The following COG1 variants were observed in gnomAD, a reference collection of about 807,000 sequenced individuals.
The protein encoded by COG1 is component of oligomeric golgi complex 1.
Under a neutral mutation model 102.2 loss-of-function variants are expected in COG1, and 61 were observed. The ratio of observed to expected loss-of-function variants is 0.60; its 90% confidence interval spans 0.49 to 0.74. The LOEUF (loss-of-function observed/expected upper bound fraction) is 0.74, where lower values mean the gene tolerates loss of function less well. COG1 is among the 30% of genes least tolerant of loss of function. COG1 has a pLI of 0.00. For synonymous variants in COG1, 454 were observed against 493.6 expected (o/e 0.92, Z 1.06); for missense variants, 1,164 against 1,232.1 (o/e 0.94, Z 0.83).
At position 73,197,133 on chromosome 17, in the gene COG1, G is replaced by A. The variant is rs776376320; in HGVS notation, c.742+52G>A. ...GGTCCTTAAATATGGGATGGAGAAGGGTGAGCTGCGGGAGACTGAAGCCTC... is the reference window on the plus strand; with the variant it reads ...GGTCCTTAAATATGGGATGGAGAAGAGTGAGCTGCGGGAGACTGAAGCCTC... On this transcript the variant is annotated intron_variant, in intron 3 of 13. Coordinates refer to ENST00000299886, the MANE Select transcript of COG1 (RefSeq NM_018714.3). 4 of 1,612,908 alleles carry A rather than the reference G, an allele frequency of 2.5e-6. No individual in the cohort carries two copies. In the East Asian group the frequency reaches 8.9e-5, roughly 36 times the overall value.
In COG1 at chr17:73,199,966, G is replaced by A; in HGVS notation, c.1015G>A (p.Ala339Thr). The change falls in exon 5 of 14, where the codon GCA (alanine) becomes ACA (threonine). Residue 339 changes from alanine (A) to threonine (T), a missense_variant. Coordinates refer to ENST00000299886, the MANE Select transcript of COG1 (RefSeq NM_018714.3). ...VEFQPTLRTL[A>T]HPISQEYLKD... is the part of the protein sequence containing the mutation. The stretch of plus-strand genomic sequence containing the variant: ...GTTCCAGCCAACACTCCGAACCCTT[G>A]CACATCCCATCAGTCAGGAATACCT... 1 of 1,614,116 alleles carries A rather than the reference G, an allele frequency of 6.2e-7. No homozygotes were observed. Among genetic ancestry groups the A allele is most frequent in the South Asian group, 1.1e-5 (1 of 91,054 alleles).
chr17:73,197,065 C>T lies in COG1; in HGVS notation c.726C>T (p.Leu242=). The part of the protein sequence containing the change: ...LARKATIQKL[L]NQPHHGAGIK... ...GAAAGGCAACTATTCAGAAACTTCT[C>T]AACCAGCCACACCATGGTGGGTGTG... is the stretch of plus-strand genomic sequence containing the variant. The change falls in exon 3 of 14, where the codon CTC becomes CTT. Residue 242 remains leucine (L), a synonymous_variant. Coordinates refer to ENST00000299886, the MANE Select transcript of COG1 (RefSeq NM_018714.3). The T allele has an allele frequency of 6.2e-7, 1 of 1,614,166 alleles. No individual in the cohort carries two copies. The highest frequency in any genetic ancestry group is 8.5e-7 in the Non-Finnish European group (1 of 1,180,040).
chr17:73,206,501 CAGAA>C (rs1051897322), intron 11 of COG1, among the ~76,000 whole-genome samples: 2 of 152,066 alleles, frequency 1.3e-5, no homozygotes, highest in African/African-American at 4.8e-5. Context: ...ATCCAGGCCT[CAGAA>C]AGAGGAATAA....
rs1156987207 is a variant in COG1, at chr17:73,205,546, T to C, written c.2383-7T>C. 1 of 1,614,106 alleles carries C rather than the reference T, an allele frequency of 6.2e-7. No individual in the cohort carries two copies. ...TTCATGGGTGGGGACTGGGAATTCA[T>C]TTGCAGAAAGAAGGTGCATTTCCAG... On this transcript the variant is annotated splice_region_variant and splice_polypyrimidine_tract_variant and intron_variant, in intron 9 of 13. Transcript: ENST00000299886.
chr17:73,203,503 T>C, intron 8 of COG1, 129 bp from the exon 9 acceptor site: 1 of 1,124,492 alleles, frequency 8.9e-7, no homozygotes, highest in Non-Finnish European at 1.3e-6. Context: ...ACAGTCTGCC[T>C]GTAAGAAGCG....
At chr17:73,204,142 C>T (rs768810882) in intron 9 of COG1, among the ~76,000 whole-genome samples, 4 of 152,018 alleles carry the variant, frequency 2.6e-5, no homozygotes, top group African/African-American at 4.8e-5. Flanking sequence ...CCAGCCTGGG[C>T]GACAAAGCAA....
At chr17:73,207,368 A>AG in intron 13 of COG1, 112 bp downstream of exon 13, 1 of 990,110 alleles carries the variant, frequency 1.0e-6, no homozygotes, top group Non-Finnish European at 1.6e-6. Flanking sequence ...GACAAAATGC[A>AG]CTAATGCTGC....
At position 73,205,550 on chromosome 17, in the gene COG1, C is replaced by T; in HGVS notation, c.2383-3C>T. On this transcript the variant is annotated splice_region_variant and splice_polypyrimidine_tract_variant and intron_variant, in intron 9 of 13. Transcript: ENST00000299886. ...TGGGTGGGGACTGGGAATTCATTTG[C>T]AGAAAGAAGGTGCATTTCCAGTCAC... The T allele has an allele frequency of 6.2e-7, 1 of 1,614,038 alleles. No homozygotes were observed. The highest frequency in any genetic ancestry group is 1.1e-5 in the South Asian group (1 of 91,078).
rs752942423 is a variant in COG1, at chr17:73,201,146, G to C, written c.1319G>C (p.Ser440Thr). ...TKEGFDSISS[S>T]SKELLVSALQ... ...GAAGGCTTTGACTCCATCTCCAGTA[G>C]CTCCAAGGAGCTCTTGGTTTCAGCT... The change falls in exon 7 of 14, where the codon AGC becomes ACC. Residue 440 changes from serine (S) to threonine (T), a missense_variant. Physicochemically the swap from Ser to Thr is moderately conservative, Grantham distance 58. Coordinates refer to ENST00000299886, the MANE Select transcript of COG1 (RefSeq NM_018714.3). 1.1e-5 allele frequency: 17 copies of C among 1,614,176 alleles called. No homozygotes were observed. The highest frequency in any genetic ancestry group is 1.4e-5 in the Non-Finnish European group (16 of 1,180,032).
chr17:73,194,160 T>TTTTTTTTTTTTTGAGAC (rs1401190625), intron 1 of COG1, among the ~76,000 whole-genome samples: 1 of 147,098 alleles, frequency 6.8e-6, no homozygotes, highest in Non-Finnish European at 1.5e-5. Context: ...GAATTTTTAT[T>TTTTTTTTTTTTTGAGAC]GGCCGGGTGC....
chr17:73,196,845 C>A, intron 2 of COG1, 55 bp from the exon 3 acceptor site: 1 of 1,613,576 alleles, frequency 6.2e-7, no homozygotes, highest in Non-Finnish European at 8.5e-7. Context: ...TGTACCAAAG[C>A]TCTTTACCCA....
Position 73,201,146 on chromosome 17 carries a change from G to A in COG1, c.1319G>A (p.Ser440Asn). 1 of 1,614,176 alleles carries A rather than the reference G, an allele frequency of 6.2e-7. No homozygotes were observed. Among genetic ancestry groups the A allele is most frequent in the Non-Finnish European group, 8.5e-7 (1 of 1,180,032 alleles). Residue 440 changes from serine to asparagine, a missense_variant, in exon 7 of 14, where the codon AGC (serine) becomes AAC (asparagine). By Grantham distance (46) the Ser-to-Asn change is conservative (BLOSUM62 1). Transcript: ENST00000299886. ...GAAGGCTTTGACTCCATCTCCAGTA[G>A]CTCCAAGGAGCTCTTGGTTTCAGCT... ...TKEGFDSISS[S>N]SKELLVSALQ...
At chr17:73,196,864 A>C (rs200548786) in intron 2 of COG1, 36 bp from the exon 3 acceptor site, 2 of 1,614,086 alleles carry the variant, frequency 1.2e-6, no homozygotes, top group East Asian at 2.2e-5. Context: ...CAAGATGTGA[A>C]AAACACCCTG....
At chr17:73,198,977 G>A (rs777397660) in intron 4 of COG1, among the ~76,000 whole-genome samples, 56 of 152,162 alleles carry the variant, frequency 3.7e-4, no homozygotes, top group Non-Finnish European at 6.8e-4. Flanking sequence ...CTTATGCTTC[G>A]CTTTCCCTCA....
chr17:73,193,192 C>G lies in COG1; in HGVS notation c.123C>G (p.Ile41Met). The G allele has an allele frequency of 1.2e-6, 2 of 1,608,296 alleles. No individual in the cohort carries two copies. Among genetic ancestry groups the G allele is most frequent in the Non-Finnish European group, 8.5e-7 (1 of 1,177,912 alleles). Residue 41 changes from isoleucine (I) to methionine (M), a missense_variant, in exon 1 of 14, where the codon ATC becomes ATG. Physicochemically the swap from Ile to Met is conservative, Grantham distance 10. Coordinates refer to ENST00000299886, the MANE Select transcript of COG1 (RefSeq NM_018714.3). ...RGLERQVRAE[I>M]EHKKEELRQM... Reference sequence around the variant, plus strand: ...TGGAGCGCCAGGTTCGGGCCGAGATCGAGCACAAGAAGGAGGAGCTGCGGC... The same window carrying G: ...TGGAGCGCCAGGTTCGGGCCGAGATGGAGCACAAGAAGGAGGAGCTGCGGC...
rs766171874 is a variant in COG1, at chr17:73,197,208, G to A, written c.743-18G>A. 3 of 1,614,230 alleles carry A rather than the reference G, an allele frequency of 1.9e-6. No individual in the cohort carries two copies. Among genetic ancestry groups the A allele is most frequent in the Non-Finnish European group, 2.5e-6 (3 of 1,180,046 alleles). ...TGGGAAAGGTAATTGTTTCAAAGAG[G>A]ATGGTTTCTTCTTTTAGGTGCTGGT... On this transcript the variant is annotated intron_variant, in intron 3 of 13. Transcript: ENST00000299886.
In COG1 at chr17:73,196,754, A is replaced by G. The variant is rs766913950; in HGVS notation, c.560+3A>G. 1 of 1,614,134 alleles carries G rather than the reference A, an allele frequency of 6.2e-7. No homozygotes were observed. The highest frequency in any genetic ancestry group is 2.2e-5 in the East Asian group (1 of 44,882). ...GTGGCAGCCGCCAGCCACTTCCGGT[A>G]AGTGGATCCAGCGCAAAGAGCTGCT... On this transcript the variant is annotated splice_donor_region_variant and intron_variant, in intron 2 of 13. Coordinates refer to ENST00000299886, the MANE Select transcript of COG1 (RefSeq NM_018714.3).
intron 5 of COG1, 126 bp downstream of exon 5, chr17:73,200,147 C>A: frequency 1.7e-6 from 2 of 1,160,016 alleles, no homozygotes; most frequent in Non-Finnish European, 2.5e-6. Context: ...TGCCCATCAG[C>A]CAGCCTCTCA....
intron 10 of COG1, 68 bp downstream of exon 10, chr17:73,205,748 A>G: frequency 6.3e-7 from 1 of 1,594,238 alleles, no homozygotes; most frequent in Non-Finnish European, 8.6e-7. Context: ...CTTTGCTGGG[A>G]AGCCACCAGA....
Sources: gnomAD v4.1 joint callset for allele counts (sites outside exome capture counted in the v4.1 genomes callset) on GRCh38, gnomAD v4.1.1 for gene constraint, MANE v1.5 for transcripts, NCBI Gene and HGNC (gene_info 2026-07-23, HGNC 2026-07-21) for gene names.